The following SPATA16 variants were observed in gnomAD, a reference collection of about 807,000 sequenced individuals.
SPATA16 encodes the protein spermatogenesis associated 16.
Under a neutral mutation model 63.3 loss-of-function variants are expected in SPATA16, and 36 were observed. The observed-to-expected ratio is 0.57, with a 90% CI of 0.44 to 0.75. The LOEUF (loss-of-function observed/expected upper bound fraction) is 0.75, where lower values mean the gene tolerates loss of function less well. SPATA16 is among the 30% of genes least tolerant of loss of function. SPATA16 has a pLI of 0.00. For synonymous variants in SPATA16, 203 were observed against 216.7 expected (o/e 0.94, Z 0.56); for missense variants, 646 against 679.3 (o/e 0.95, Z 0.54).
intron 2 of SPATA16, among the ~76,000 whole-genome samples, chr3:173,084,145 G>GT (rs1297123841): frequency 6.6e-6 from 1 of 152,118 alleles, no homozygotes; most frequent in Non-Finnish European, 1.5e-5. Flanking sequence ...CACCAACAGT[G>GT]TAAGTGTTCC....
At chr3:173,132,022 A>G (rs1186071358) in intron 1 of SPATA16, among the ~76,000 whole-genome samples, 1 of 152,192 alleles carries the variant, frequency 6.6e-6, no homozygotes, top group Non-Finnish European at 1.5e-5. Flanking sequence ...TGATCAAGAC[A>G]TTAGAGCTAG....
chr3:172,977,597 G>A (rs961398940), intron 4 of SPATA16, among the ~76,000 whole-genome samples: 1 of 152,150 alleles, frequency 6.6e-6, no homozygotes, highest in African/African-American at 2.4e-5. Flanking sequence ...TGATTTTAAT[G>A]TCTAGTGTGT....
At chr3:173,117,081 G>A (rs1301654145) in intron 2 of SPATA16, 39 bp downstream of exon 2, 1 of 1,599,444 alleles carries the variant, frequency 6.3e-7, no homozygotes, top group Non-Finnish European at 8.6e-7. Context: ...CCATTTCATA[G>A]TTTCCTGTCA....
At chr3:173,131,303 T>G (rs1173487893) in intron 1 of SPATA16, among the ~76,000 whole-genome samples, 2 of 152,218 alleles carry the variant, frequency 1.3e-5, no homozygotes, top group Non-Finnish European at 2.9e-5. Context: ...AGATCAGAAC[T>G]TCTGTTGAGA....
chr3:173,078,282 T>G (rs902611080), intron 2 of SPATA16, among the ~76,000 whole-genome samples: 1 of 152,094 alleles, frequency 6.6e-6, no homozygotes, highest in Non-Finnish European at 1.5e-5. Context: ...ACTGTAGTAT[T>G]TAAGTACTGG....
Position 173,114,179 on chromosome 3 carries a change from CAA to C in SPATA16, c.612+2939_612+2940del, listed in dbSNP as rs34754459. 2.8e-3 allele frequency among the ~76,000 whole-genome samples: 183 copies of C among 66,260 alleles called. 2 individuals carry two copies. Among genetic ancestry groups the C allele is most frequent in the Middle Eastern group, 7.8e-3 (1 of 128 alleles). 43.5% of individuals were successfully genotyped at this position (66,260 alleles called of 152,430 possible). On this transcript the variant is annotated intron_variant, in intron 2 of 10. Transcript: ENST00000351008. ...TGGGCAACAGAGCAAGACTCCATCT[CAA>C]AAAAAAAAAAAAAAAAAAAGAGTCT...
At chr3:172,948,071 C>T (rs1246636380) in intron 6 of SPATA16, among the ~76,000 whole-genome samples, 1 of 151,924 alleles carries the variant, frequency 6.6e-6, no homozygotes, top group African/African-American at 2.4e-5. Flanking sequence ...GGTAGAAGTC[C>T]TTCAAAATGA....
intron 3 of SPATA16, among the ~76,000 whole-genome samples, chr3:173,022,305 A>G (rs939717578): frequency 6.6e-6 from 1 of 152,114 alleles, no homozygotes; most frequent in Non-Finnish European, 1.5e-5. Flanking sequence ...TCATAACACC[A>G]CTCTGCCCTA....
At chr3:173,067,235 A>C (rs1164188665) in intron 2 of SPATA16, among the ~76,000 whole-genome samples, 1 of 152,206 alleles carries the variant, frequency 6.6e-6, no homozygotes, top group African/African-American at 2.4e-5. Context: ...GAACAAAGAA[A>C]ATGTGATACC....
chr3:172,930,391 T>C (rs928966074), intron 6 of SPATA16, among the ~76,000 whole-genome samples: 19 of 152,124 alleles, frequency 1.2e-4, no homozygotes, highest in Admixed American at 1.2e-3. Context: ...TTATCTGGCC[T>C]CTGAACTTTT....
At chr3:172,963,803 C>G (rs1419557736) in intron 5 of SPATA16, among the ~76,000 whole-genome samples, 2 of 152,024 alleles carry the variant, frequency 1.3e-5, no homozygotes, top group Non-Finnish European at 2.9e-5. Flanking sequence ...GAAACTAAAG[C>G]TTGATGAGTA....
At chr3:172,927,036 C>A (rs1253730556) in intron 6 of SPATA16, among the ~76,000 whole-genome samples, 2 of 152,134 alleles carry the variant, frequency 1.3e-5, no homozygotes, top group African/African-American at 2.4e-5. Flanking sequence ...TGTAATACTT[C>A]TTTTAAAAAT....
intron 2 of SPATA16, among the ~76,000 whole-genome samples, chr3:173,055,733 CACAT>C (rs1736206564): frequency 1.3e-5 from 2 of 152,114 alleles, no homozygotes; most frequent in African/African-American, 2.4e-5. Context: ...AATACACACA[CACAT>C]ACAAGAGTGA....
At chr3:173,083,419 A>G (rs1736969686) in intron 2 of SPATA16, among the ~76,000 whole-genome samples, 1 of 152,192 alleles carries the variant, frequency 6.6e-6, no homozygotes, top group Non-Finnish European at 1.5e-5. Flanking sequence ...GATAATATGA[A>G]AATTTTGTAC....
intron 2 of SPATA16, among the ~76,000 whole-genome samples, chr3:173,098,361 C>T (rs957846066): frequency 6.6e-6 from 1 of 152,174 alleles, no homozygotes; most frequent in Non-Finnish European, 1.5e-5. Context: ...CTCACTTAAT[C>T]AGCAATTGAT....
intron 3 of SPATA16, among the ~76,000 whole-genome samples, chr3:173,022,294 A>T (rs1735351852): frequency 6.6e-6 from 1 of 152,148 alleles, no homozygotes; most frequent in Non-Finnish European, 1.5e-5. Context: ...GGTTCTTTTA[A>T]TCATAACACC....
At chr3:172,936,174 T>A (rs1313626770) in intron 6 of SPATA16, among the ~76,000 whole-genome samples, 2 of 152,218 alleles carry the variant, frequency 1.3e-5, no homozygotes, top group Non-Finnish European at 2.9e-5. Context: ...TTTGTTCTAA[T>A]GAGGCAACAT....
rs143011844 is a variant in SPATA16, at chr3:173,129,235, C to T, written c.-18-11486G>A. On this transcript the variant is annotated intron_variant, in intron 1 of 10. Coordinates refer to ENST00000351008, the MANE Select transcript of SPATA16 (RefSeq NM_031955.6). Reference sequence around the variant, plus strand: ...ATGTTATCCATTTTTCTTGGGAGGACGTTCCAAACTCAAGAACCAAAGTAG... The same window carrying T: ...ATGTTATCCATTTTTCTTGGGAGGATGTTCCAAACTCAAGAACCAAAGTAG... 1.7e-4 allele frequency among the ~76,000 whole-genome samples: 26 copies of T among 152,246 alleles called. No homozygotes were observed. The East Asian group carries it at 4.8e-3, about 28-fold the overall frequency.
At chr3:173,104,326 G>A (rs924723163) in intron 2 of SPATA16, among the ~76,000 whole-genome samples, 41 of 152,172 alleles carry the variant, frequency 2.7e-4, no homozygotes, top group African/African-American at 9.6e-4. Context: ...TATCTTTATA[G>A]CAGTGCCCGA....
Sources: gnomAD v4.1 joint callset for allele counts (sites outside exome capture counted in the v4.1 genomes callset) on GRCh38, gnomAD v4.1.1 for gene constraint, MANE v1.5 for transcripts, NCBI Gene and HGNC (gene_info 2026-07-23, HGNC 2026-07-21) for gene names.